The following SLC6A11 variants were observed in gnomAD, a reference collection of about 807,000 sequenced individuals.
The protein encoded by SLC6A11 is sodium- and chloride-dependent GABA transporter 3.
In SLC6A11, 25 loss-of-function variants were observed where a neutral mutation model predicts 74.8. The ratio of observed to expected loss-of-function variants is 0.33; its 90% confidence interval spans 0.24 to 0.47. The LOEUF is 0.47. Among genes scored for constraint, SLC6A11 ranks in the 20% least tolerant of loss-of-function variants. The pLI is 1.00. For synonymous variants in SLC6A11, 330 were observed against 330.2 expected (o/e 1.00, Z 0.01); for missense variants, 574 against 837.0 (o/e 0.69, Z 3.88).
At chr3:10,913,716 C>T (rs1321511662) in intron 7 of SLC6A11, among the ~76,000 whole-genome samples, 4 of 152,122 alleles carry the variant, frequency 2.6e-5, no homozygotes, top group Non-Finnish European at 4.4e-5. Context: ...TTCTTTGAGA[C>T]GGAGTCTCGC....
chr3:10,891,061 G>A (rs751721767), intron 6 of SLC6A11, among the ~76,000 whole-genome samples: 19 of 152,126 alleles, frequency 1.2e-4, no homozygotes, highest in Non-Finnish European at 2.6e-4. Context: ...ATTAGCTTTT[G>A]GTCATACCCA....
At chr3:10,835,629 T>G (rs1300163961) in intron 4 of SLC6A11, among the ~76,000 whole-genome samples, 1 of 152,190 alleles carries the variant, frequency 6.6e-6, no homozygotes, top group Non-Finnish European at 1.5e-5. Flanking sequence ...AGCGCAGGCA[T>G]TAAACTTGGG....
chr3:10,834,217 C>T (rs572513967), intron 4 of SLC6A11, among the ~76,000 whole-genome samples: 7 of 152,340 alleles, frequency 4.6e-5, no homozygotes, highest in South Asian at 4.2e-4. Flanking sequence ...ATCTCTCTGC[C>T]GTTCCAGGCT....
At chr3:10,885,597 TA>T (rs35167441) in intron 6 of SLC6A11, among the ~76,000 whole-genome samples, 22,560 of 138,370 alleles carry the variant, frequency 0.16, 2,253 homozygotes, top group African/African-American at 0.3. Context: ...GCCCCCATGA[TA>T]AAAAAAAAAA....
intron 6 of SLC6A11, among the ~76,000 whole-genome samples, chr3:10,910,716 C>T (rs931941071): frequency 1.1e-4 from 17 of 152,098 alleles, no homozygotes; most frequent in Non-Finnish European, 1.9e-4. Flanking sequence ...CTGCCACTTT[C>T]CAGCTGTGTG....
Position 10,918,565 on chromosome 3 carries a change from T to G in SLC6A11, c.1120+112T>G. The G allele has an allele frequency of 7.8e-7, 1 of 1,278,676 alleles. No individual in the cohort carries two copies. The highest frequency in any genetic ancestry group is 2.9e-5 in the East Asian group (1 of 34,286). The allele number at this position is 1,278,676 out of a possible 1,614,324, so 79.2% of individuals were successfully genotyped here. On this transcript the variant is annotated intron_variant, in intron 8 of 13. Coordinates refer to ENST00000254488, the MANE Select transcript of SLC6A11 (RefSeq NM_014229.3). The surrounding 1 kb of genome is among the most constrained non-coding windows in gnomAD (Gnocchi z 4.5). The stretch of plus-strand genomic sequence containing the variant: ...CTCACACATCTCCTGGATTCAGGCC[T>G]CAGAAAGGGGCCCCACCATTCATCC...
rs1435071696 is a variant in SLC6A11, at chr3:10,926,556, G to A, written c.1233+440G>A. On this transcript the variant is annotated intron_variant, in intron 9 of 13. Transcript: ENST00000254488. The surrounding 1 kb of genome is among the most constrained non-coding windows in gnomAD (Gnocchi z 5.7). ...ATTGAGGACACGGACACATAGAAAA[G>A]CACCTCCTCTTCCTCCATCTCTGTC... Among the ~76,000 whole-genome samples, 1 of 151,996 alleles carries A rather than the reference G, an allele frequency of 6.6e-6. No homozygotes were observed. The highest frequency in any genetic ancestry group is 1.5e-5 in the Non-Finnish European group (1 of 68,008).
chr3:10,823,728 A>C (rs1260138047), intron 4 of SLC6A11: 1 of 248,210 alleles, frequency 4.0e-6, no homozygotes, highest in African/African-American at 2.2e-5. Context: ...AAGCTAAGTC[A>C]AGAGTGTATT....
At chr3:10,882,468 G>A (rs188561222) in intron 6 of SLC6A11, among the ~76,000 whole-genome samples, 148 of 152,182 alleles carry the variant, frequency 9.7e-4, no homozygotes, top group African/African-American at 3.3e-3. Context: ...TTGCATCACC[G>A]TTCTCCACCC....
chr3:10,819,633 G>T (rs768875750), intron 2 of SLC6A11, 34 bp downstream of exon 2: 6 of 1,609,112 alleles, frequency 3.7e-6, no homozygotes, highest in Middle Eastern at 1.6e-4. Flanking sequence ...ATAAAATTTT[G>T]CCCAGGGAAT....
At chr3:10,820,639 A>G (rs1694126185) in intron 3 of SLC6A11, among the ~76,000 whole-genome samples, 1 of 152,186 alleles carries the variant, frequency 6.6e-6, no homozygotes, top group African/African-American at 2.4e-5. Flanking sequence ...TTGTTTTTCC[A>G]TATATCCTCC....
At chr3:10,881,933 A>G (rs932179075) in intron 6 of SLC6A11, among the ~76,000 whole-genome samples, 5 of 152,184 alleles carry the variant, frequency 3.3e-5, no homozygotes, top group Admixed American at 3.3e-4. Context: ...ACATTTCTAA[A>G]GGGGACACAG....
At chr3:10,864,451 G>C (rs1445190622) in intron 5 of SLC6A11, among the ~76,000 whole-genome samples, 1 of 151,816 alleles carries the variant, frequency 6.6e-6, no homozygotes, top group African/African-American at 2.4e-5. Flanking sequence ...GAGCCCCCAA[G>C]CTCCTTCCTC....
intron 6 of SLC6A11, among the ~76,000 whole-genome samples, chr3:10,880,858 C>T (rs903507428): frequency 5.3e-5 from 8 of 152,068 alleles, no homozygotes; most frequent in African/African-American, 1.9e-4. Context: ...TATTGCAGCC[C>T]CACCTGTGCC....
chr3:10,862,871 A>G (rs560952100), intron 5 of SLC6A11, among the ~76,000 whole-genome samples: 2 of 152,222 alleles, frequency 1.3e-5, no homozygotes, highest in Middle Eastern at 3.2e-3. Flanking sequence ...CAGGTCATTC[A>G]TCAGCATGCT....
chr3:10,929,188 A>G lies in SLC6A11; in HGVS notation c.1234-14A>G. ...TTGTCCTTGAGTTTCACACCATCAT[A>G]TCTCCCCATCCAGTTTGTGTGTGTG... On this transcript the variant is annotated splice_polypyrimidine_tract_variant and intron_variant, in intron 9 of 13. Coordinates refer to ENST00000254488, the MANE Select transcript of SLC6A11 (RefSeq NM_014229.3). 1 of 1,613,286 alleles carries G rather than the reference A, an allele frequency of 6.2e-7. No individual in the cohort carries two copies. The highest frequency in any genetic ancestry group is 1.1e-5 in the South Asian group (1 of 90,900).
intron 5 of SLC6A11, among the ~76,000 whole-genome samples, chr3:10,863,144 G>A (rs766270608): frequency 7.2e-5 from 11 of 152,210 alleles, no homozygotes; most frequent in Non-Finnish European, 1.6e-4. Context: ...AGAGCCTGTA[G>A]AGATGAATAA....
intron 1 of SLC6A11, among the ~76,000 whole-genome samples, chr3:10,818,071 T>TC (rs199835268): frequency 0.14 from 14,938 of 106,036 alleles, 860 homozygotes; most frequent in East Asian, 0.45. Flanking sequence ...GTCACAGATT[T>TC]TTTTTTTTTT....
intron 6 of SLC6A11, among the ~76,000 whole-genome samples, chr3:10,900,373 G>A (rs1045481489): frequency 2.6e-5 from 4 of 152,186 alleles, no homozygotes; most frequent in East Asian, 3.9e-4. Context: ...TCAGCAATGC[G>A]CAAAGGGTTG....
Sources: allele counts gnomAD v4.1 joint callset (sites outside exome capture counted in the v4.1 genomes callset), GRCh38; gene constraint gnomAD v4.1.1; non-coding constraint Gnocchi (gnomAD v3.1); transcripts MANE v1.5; gene names NCBI Gene and HGNC (gene_info 2026-07-23, HGNC 2026-07-21).